The following FMNL2 variants were observed in gnomAD, a reference collection of about 807,000 sequenced individuals.
FMNL2 encodes the protein formin like 2.
In FMNL2, 51 loss-of-function variants were observed where a neutral mutation model predicts 130.2. The ratio of observed to expected loss-of-function variants is 0.39; its 90% CI spans 0.31 to 0.49. The LOEUF (loss-of-function observed/expected upper bound fraction) is 0.49. FMNL2 is among the 20% of genes least tolerant of loss of function. FMNL2 has a pLI of 0.85. For missense variants in FMNL2, 977 were observed against 1,316.2 expected (o/e 0.74, Z 3.99); for synonymous variants, 465 against 467.1 (o/e 1.00, Z 0.06).
At chr2:152,423,165 A>AT (rs1157193377) in intron 1 of FMNL2, among the ~76,000 whole-genome samples, 2 of 152,150 alleles carry the variant, frequency 1.3e-5, no homozygotes, top group African/African-American at 2.4e-5. Flanking sequence ...TGAAGCATTT[A>AT]TTTTTTGTGT....
At chr2:152,628,848 T>G (rs1368356583) in intron 18 of FMNL2, among the ~76,000 whole-genome samples, 1 of 152,242 alleles carries the variant, frequency 6.6e-6, no homozygotes, top group Non-Finnish European at 1.5e-5. Flanking sequence ...TTGGTTCCTC[T>G]CTGAAGATAC....
At chr2:152,626,886 T>C (rs1173160146) in intron 17 of FMNL2, among the ~76,000 whole-genome samples, 159 bp downstream of exon 17, 1 of 152,244 alleles carries the variant, frequency 6.6e-6, no homozygotes, top group East Asian at 1.9e-4. Context: ...GAACTCTGTG[T>C]GTGCTACTTC....
chr2:152,536,159 T>C (rs1454208434), intron 2 of FMNL2, among the ~76,000 whole-genome samples: 1 of 152,224 alleles, frequency 6.6e-6, no homozygotes, highest in Non-Finnish European at 1.5e-5. Context: ...TAGCCCACCC[T>C]GCACCACGCA....
intron 6 of FMNL2, among the ~76,000 whole-genome samples, chr2:152,571,804 T>A (rs1696182216): frequency 6.6e-6 from 1 of 152,236 alleles, no homozygotes; most frequent in South Asian, 2.1e-4. Flanking sequence ...AAGATGATTA[T>A]ACAACAGCAT....
intron 1 of FMNL2, among the ~76,000 whole-genome samples, chr2:152,426,986 C>A (rs995666041): frequency 6.6e-6 from 1 of 152,208 alleles, no homozygotes; most frequent in East Asian, 1.9e-4. Context: ...GTCTCTACCT[C>A]ATGGCTCACA....
chr2:152,418,782 C>T (rs149611855), intron 1 of FMNL2, among the ~76,000 whole-genome samples: 55 of 152,146 alleles, frequency 3.6e-4, no homozygotes, highest in Non-Finnish European at 6.3e-4. Context: ...TTACAAGTAT[C>T]TGTTTAAGTT....
chr2:152,578,112 G>A (rs1696576302), intron 7 of FMNL2, among the ~76,000 whole-genome samples: 1 of 152,150 alleles, frequency 6.6e-6, no homozygotes, highest in African/African-American at 2.4e-5. Context: ...GAGCACAGAA[G>A]AGTTCCTCTT....
intron 13 of FMNL2, 50 bp from the exon 14 acceptor site, chr2:152,618,796 A>ACAT (rs1441677389): frequency 6.8e-7 from 1 of 1,469,368 alleles, no homozygotes; most frequent in African/African-American, 1.4e-5. Context: ...GATGCTACTA[A>ACAT]GTATGAATGT....
chr2:152,591,559 G>A (rs1259400698), intron 9 of FMNL2, among the ~76,000 whole-genome samples: 2 of 152,200 alleles, frequency 1.3e-5, no homozygotes, highest in African/African-American at 4.8e-5. Flanking sequence ...TAATCCCAGC[G>A]CCCTGGGACA....
At chr2:152,549,408 T>C (rs1246058761) in intron 4 of FMNL2, among the ~76,000 whole-genome samples, 2 of 152,228 alleles carry the variant, frequency 1.3e-5, no homozygotes, top group Admixed American at 1.3e-4. Context: ...ATAGTGCATG[T>C]AGACTGAGAT....
At chr2:152,644,017 C>A in intron 25 of FMNL2, 2 of 537,370 alleles carry the variant, frequency 3.7e-6, no homozygotes, top group Non-Finnish European at 4.8e-6. Flanking sequence ...ATCACTTGAG[C>A]CCAGGAGTTT....
At chr2:152,496,105 T>C (rs1691507973) in intron 1 of FMNL2, among the ~76,000 whole-genome samples, 1 of 152,150 alleles carries the variant, frequency 6.6e-6, no homozygotes, top group Admixed American at 6.5e-5. Context: ...TGATCAAAAC[T>C]AGGAAATTAA....
At chr2:152,564,776 G>GTTTTTTTT (rs56378937) in intron 6 of FMNL2, among the ~76,000 whole-genome samples, 14,173 of 78,628 alleles carry the variant, frequency 0.18, 2,048 homozygotes, top group Non-Finnish European at 0.22. Flanking sequence ...TACAAGGTTG[G>GTTTTTTTT]TTTTTTTTTT....
intron 1 of FMNL2, among the ~76,000 whole-genome samples, chr2:152,493,539 G>A (rs1691332271): frequency 2.6e-5 from 4 of 152,174 alleles, no homozygotes; most frequent in Admixed American, 2.0e-4. Flanking sequence ...TTGGGTGATG[G>A]GGGTGGATCC....
In FMNL2 at chr2:152,649,450, G is replaced by GTACC. The variant is rs1683890489; in HGVS notation, c.*1548_*1551dup. 6.6e-6 allele frequency: 1 copy of GTACC among 152,416 alleles called. No homozygotes were observed. The highest frequency in any genetic ancestry group is 1.5e-5 in the Non-Finnish European group (1 of 67,996). 9.4% of individuals were successfully genotyped at this position (152,416 alleles called of 1,614,324 possible). ...GTTACCTACCACATTTCACTTTAGT[G>GTACC]TACCTATTTACAGAAAGATTAAACT... On this transcript the variant is annotated 3_prime_UTR_variant, in exon 26 of 26. Coordinates refer to ENST00000288670, the MANE Select transcript of FMNL2 (RefSeq NM_052905.4).
chr2:152,595,094 T>C (rs998975129), intron 9 of FMNL2, among the ~76,000 whole-genome samples: 1 of 152,174 alleles, frequency 6.6e-6, no homozygotes, highest in African/African-American at 2.4e-5. Flanking sequence ...GCTCCTTCCC[T>C]GCCAATAACT....
intron 2 of FMNL2, among the ~76,000 whole-genome samples, chr2:152,537,779 C>T (rs925252441): frequency 3.4e-4 from 51 of 152,110 alleles, no homozygotes; most frequent in African/African-American, 1.2e-3. Flanking sequence ...CTATTAAATT[C>T]AAGATGAGCA....
chr2:152,597,990 G>C (rs568106747), intron 9 of FMNL2, among the ~76,000 whole-genome samples: 1 of 152,324 alleles, frequency 6.6e-6, no homozygotes, highest in East Asian at 1.9e-4. Context: ...TTGTTGGCCT[G>C]AGATATTTGG....
At chr2:152,417,839 A>T (rs897855085) in intron 1 of FMNL2, among the ~76,000 whole-genome samples, 3 of 151,574 alleles carry the variant, frequency 2.0e-5, no homozygotes, top group Non-Finnish European at 2.9e-5. Flanking sequence ...TATTATTATT[A>T]TTTTTTCTTT....
Sources: gnomAD v4.1 joint callset for allele counts (sites outside exome capture counted in the v4.1 genomes callset) on GRCh38, gnomAD v4.1.1 for gene constraint, MANE v1.5 for transcripts, NCBI Gene and HGNC (gene_info 2026-07-23, HGNC 2026-07-21) for gene names.